The following PDE6C variants were observed in gnomAD, a reference collection of about 807,000 sequenced individuals.
The protein encoded by PDE6C is phosphodiesterase 6C, also known as cone cGMP-specific 3',5'-cyclic phosphodiesterase subunit alpha'.
Under a neutral mutation model 113.1 loss-of-function variants are expected in PDE6C, and 75 were observed. The ratio of observed to expected loss-of-function variants is 0.66; its 90% CI spans 0.55 to 0.80. The LOEUF is 0.80. Among genes scored for constraint, PDE6C ranks in the 30% least tolerant of loss-of-function variants. The pLI is 0.00. For missense variants in PDE6C, 912 were observed against 1,038.6 expected (o/e 0.88, Z 1.67); for synonymous variants, 375 against 363.7 (o/e 1.03, Z -0.35).
chr10:93,648,669 T>C (rs939698994), intron 15 of PDE6C, among the ~76,000 whole-genome samples: 2 of 152,218 alleles, frequency 1.3e-5, no homozygotes, highest in Non-Finnish European at 2.9e-5. Flanking sequence ...GGAATAGAAC[T>C]GCCTGTACTC....
At chr10:93,621,741 A>G (rs927796445) in intron 3 of PDE6C, among the ~76,000 whole-genome samples, 191 bp from the exon 4 acceptor site, 1 of 152,232 alleles carries the variant, frequency 6.6e-6, no homozygotes, top group African/African-American at 2.4e-5. Context: ...GCCTTGCAAA[A>G]GTCTACTCAT....
intron 8 of PDE6C, 103 bp downstream of exon 8, chr10:93,629,408 G>T (rs2058488734): frequency 1.1e-6 from 1 of 875,746 alleles, no homozygotes; most frequent in Non-Finnish European, 2.0e-6. Context: ...GCTCAGGTGT[G>T]GCCACAGGCA....
intron 14 of PDE6C, among the ~76,000 whole-genome samples, chr10:93,644,820 T>A (rs1163565383): frequency 6.8e-6 from 1 of 146,608 alleles, no homozygotes; most frequent in Non-Finnish European, 1.5e-5. Flanking sequence ...ATGTATATAG[T>A]ACTATATATA....
chr10:93,655,634 G>GAAAAAAAAAAAAAAAAAAAAAA, intron 15 of PDE6C, 126 bp from the exon 16 acceptor site: 77 of 527,622 alleles, frequency 1.5e-4, no homozygotes, highest in African/African-American at 2.4e-4. Context: ...AAAAAGGAAG[G>GAAAAAAAAAAAAAAAAAAAAAA]AAAACAAAAA....
chr10:93,636,882 C>CTCT, intron 10 of PDE6C, 113 bp from the exon 11 acceptor site: 1 of 706,078 alleles, frequency 1.4e-6, no homozygotes. Flanking sequence ...ATCTTCCCGC[C>CTCT]TCTTCCTCCC....
chr10:93,634,785 G>T lies in PDE6C; in HGVS notation c.1147G>T (p.Val383Phe). Residue 383 changes from valine (V) to phenylalanine (F), a missense_variant, in exon 9 of 22, where the codon GTC (valine) becomes TTC (phenylalanine). By Grantham distance (50) the Val-to-Phe change is conservative. Coordinates refer to ENST00000371447, the MANE Select transcript of PDE6C (RefSeq NM_006204.4). ...QKGPVDETGW[V>F]IKNVLSLPIV... is the part of the protein sequence containing the mutation. ...AGGACCTGTAGACGAAACTGGTTGGGTCATTAAGAATGTTTTGTCCCTGCC... is the reference window on the plus strand; with the variant it reads ...AGGACCTGTAGACGAAACTGGTTGGTTCATTAAGAATGTTTTGTCCCTGCC... The T allele has an allele frequency of 6.2e-7, 1 of 1,614,078 alleles. No individual in the cohort carries two copies. Among genetic ancestry groups the T allele is most frequent in the South Asian group, 1.1e-5 (1 of 91,074 alleles).
intron 12 of PDE6C, 26 bp downstream of exon 12, chr10:93,640,242 C>A: frequency 6.3e-7 from 1 of 1,589,842 alleles, no homozygotes; most frequent in African/African-American, 1.3e-5. Context: ...ATTTAAAATA[C>A]TGTGTGATTC....
At chr10:93,649,582 A>G (rs1377703453) in intron 15 of PDE6C, among the ~76,000 whole-genome samples, 7 of 152,098 alleles carry the variant, frequency 4.6e-5, no homozygotes, top group Non-Finnish European at 1.0e-4. Context: ...TCATTGAAGT[A>G]TATATACAAT....
At chr10:93,636,365 GCTTTGTGTGTGTGTGT>G (rs1419725636) in intron 10 of PDE6C, among the ~76,000 whole-genome samples, 4 of 23,434 alleles carry the variant, frequency 1.7e-4, no homozygotes, top group East Asian at 3.4e-3. Context: ...TATTTCCCTG[GCTTTGTGTGTGTGTGT>G]GTGTGTGTGT....
At chr10:93,619,738 C>A (rs540616321) in intron 1 of PDE6C, among the ~76,000 whole-genome samples, 24 of 152,276 alleles carry the variant, frequency 1.6e-4, no homozygotes, top group South Asian at 8.3e-4. Context: ...AGAATGTGAA[C>A]CTTTCATCAA....
At chr10:93,622,182 A>C in intron 4 of PDE6C, 110 bp downstream of exon 4, 2 of 1,128,010 alleles carry the variant, frequency 1.8e-6, no homozygotes, top group Non-Finnish European at 2.7e-6. Context: ...ATTAGTCATG[A>C]TTGATGACAA....
At chr10:93,650,025 A>G (rs1335873807) in intron 15 of PDE6C, among the ~76,000 whole-genome samples, 1 of 151,994 alleles carries the variant, frequency 6.6e-6, no homozygotes, top group Non-Finnish European at 1.5e-5. Flanking sequence ...TCATATCATG[A>G]CCCTTCACAG....
At position 93,641,018 on chromosome 10, in the gene PDE6C, G is replaced by C. The variant is rs1361823125; in HGVS notation, c.1836G>C (p.Leu612Phe). ...TTGACCACAGAGGCACCAATAATTT[G>C]TACCAGATGAAGTAAGTGAACACAT... ...HDIDHRGTNN[L>F]YQMKSTSPLA... The change falls in exon 14 of 22, where the codon TTG (leucine) becomes TTC (phenylalanine). Residue 612 changes from leucine (L) to phenylalanine (F), a missense_variant. Transcript: ENST00000371447. 1 of 1,595,576 alleles carries C rather than the reference G, an allele frequency of 6.3e-7. No homozygotes were observed.
At chr10:93,616,462 CTAAGAAATGGAGA>C (rs2058420076) in intron 1 of PDE6C, among the ~76,000 whole-genome samples, 1 of 152,080 alleles carries the variant, frequency 6.6e-6, no homozygotes, top group African/African-American at 2.4e-5. Flanking sequence ...GTTTCTACCC[CTAAGAAATGGAGA>C]TAAGCAAATG....
At chr10:93,636,599 C>A (rs1479304167) in intron 10 of PDE6C, among the ~76,000 whole-genome samples, 1 of 151,376 alleles carries the variant, frequency 6.6e-6, no homozygotes, top group Non-Finnish European at 1.5e-5. Context: ...ATGCAAACAA[C>A]CCACACCTCT....
At chr10:93,626,509 T>C in intron 5 of PDE6C, 131 bp from the exon 6 acceptor site, 1 of 645,916 alleles carries the variant, frequency 1.5e-6, no homozygotes. Flanking sequence ...AGTTTGATAA[T>C]TTATGTTATA....
At chr10:93,623,912 C>A (rs1265046733) in intron 4 of PDE6C, among the ~76,000 whole-genome samples, 1 of 152,070 alleles carries the variant, frequency 6.6e-6, no homozygotes, top group Non-Finnish European at 1.5e-5. Context: ...TTCTTGTCAG[C>A]AAGTCTTTTA....
At chr10:93,664,563 G>A (rs12246423) in intron 21 of PDE6C, among the ~76,000 whole-genome samples, 2,112 of 152,274 alleles carry the variant, frequency 0.014, 54 homozygotes, top group African/African-American at 0.049. Context: ...TTTTTACCAA[G>A]CAAGTGAAAA....
Position 93,613,023 on chromosome 10 carries a change from C to T in PDE6C, c.298C>T (p.Leu100=), listed in dbSNP as rs779992768. The change falls in exon 1 of 22, where the codon CTG becomes TTG. Residue 100 remains leucine, a synonymous_variant. Transcript: ENST00000371447. The part of the protein sequence containing the change: ...LLQADRCSMF[L]CRSRNGIPEV... ...CCAGGCTGACCGCTGCAGCATGTTC[C>T]TGTGCCGGTCCCGGAACGGCATACC... is the stretch of plus-strand genomic sequence containing the variant. 1.2e-6 allele frequency: 2 copies of T among 1,614,080 alleles called. No individual in the cohort carries two copies. Among genetic ancestry groups the T allele is most frequent in the Admixed American group, 3.3e-5 (2 of 60,012 alleles).
Sources: allele counts gnomAD v4.1 joint callset (sites outside exome capture counted in the v4.1 genomes callset), GRCh38; gene constraint gnomAD v4.1.1; transcripts MANE v1.5; gene names NCBI Gene and HGNC (gene_info 2026-07-23, HGNC 2026-07-21).